TNRC6C: variants seen among roughly 807,000 people sequenced by gnomAD.
The protein encoded by TNRC6C is trinucleotide repeat containing adaptor 6C.
In TNRC6C, 20 loss-of-function variants were observed where a neutral mutation model predicts 153.7. That is an observed-to-expected ratio of 0.13 (90% CI 0.09 to 0.19). TNRC6C has a LOEUF of 0.19. Among genes scored for constraint, TNRC6C ranks in the 10% least tolerant of loss-of-function variants. The probability of loss-of-function intolerance (pLI) is 1.00; values close to 1 mark genes in which losing one functional copy is unlikely to be tolerated. For missense variants in TNRC6C, 1,987 were observed against 2,172.0 expected (o/e 0.91, Z 1.69); for synonymous variants, 811 against 841.4 (o/e 0.96, Z 0.63).
chr17:77,958,466 G>C (rs1017054647), upstream of TNRC6C, among the ~76,000 whole-genome samples: 5 of 151,908 alleles, frequency 3.3e-5, no homozygotes, highest in African/African-American at 7.3e-5. Flanking sequence ...GCGCGGGCGG[G>C]TATTAAGGGG....
At chr17:78,051,572 G>C (rs2072537574) in intron 3 of TNRC6C, 124 bp downstream of exon 5, 24 of 1,082,794 alleles carry the variant, frequency 2.2e-5, no homozygotes, top group Non-Finnish European at 2.9e-5. Context: ...AATAATTTAA[G>C]TTCCCTATCA....
At chr17:77,968,062 C>G (rs980145282) in intron 1 of TNRC6C, among the ~76,000 whole-genome samples, 2 of 152,242 alleles carry the variant, frequency 1.3e-5, no homozygotes, top group Admixed American at 6.5e-5. Context: ...GAGACAGAGC[C>G]TCGCTCTGTT....
intron 7 of TNRC6C, 130 bp downstream of exon 9, chr17:78,073,224 G>A: frequency 1.5e-6 from 1 of 647,148 alleles, no homozygotes; most frequent in South Asian, 3.2e-5. Context: ...ACAGTGAAGG[G>A]GCAACCACAC....
intron 1 of TNRC6C, among the ~76,000 whole-genome samples, chr17:78,006,436 A>G (rs915935093): frequency 1.3e-5 from 2 of 152,118 alleles, no homozygotes; most frequent in Non-Finnish European, 2.9e-5. Context: ...TACTATTGTC[A>G]TTTCAAAATA....
chr17:78,073,522 G>A (rs1488957476), intron 7 of TNRC6C, among the ~76,000 whole-genome samples: 2 of 152,104 alleles, frequency 1.3e-5, no homozygotes, highest in Admixed American at 1.3e-4. Context: ...TTCTGTCAAG[G>A]AACAAGCAAC....
exon 20 of TNRC6C, chr17:78,107,829 G>GTCC (rs1411087734): frequency 6.6e-6 from 1 of 152,356 alleles, no homozygotes; most frequent in East Asian, 1.9e-4. Context: ...TTTGCCTAGG[G>GTCC]TCCAGTTGGG....
chr17:78,049,581 C>T lies in TNRC6C; in HGVS notation c.519C>T (p.Ser173=), dbSNP rs148231811. Residue 173 remains serine (S), a synonymous_variant, in exon 3 of 20, where the codon AGC becomes AGT. Coordinates refer to ENST00000301624, the Ensembl canonical transcript of TNRC6C. This position sits in a 1 kb window ranked among gnomAD's most constrained non-coding sequence, Gnocchi z 4.1. ...CCACTTCTCAGAATGTGTCTTTCAG[C>T]GCACAACCTCAGAACCTTAACACTG... The T allele has an allele frequency of 1.4e-4, 225 of 1,613,928 alleles. No individual in the cohort carries two copies. In the East Asian group the frequency reaches 4.5e-3, roughly 32 times the overall value.
intron 3 of TNRC6C, among the ~76,000 whole-genome samples, chr17:78,057,182 C>T (rs2072676303): frequency 6.6e-6 from 1 of 152,168 alleles, no homozygotes; most frequent in East Asian, 1.9e-4. Context: ...GTTATTTGTT[C>T]ATTTTTTTCA....
Position 78,065,046 on chromosome 17 carries a change from T to C in TNRC6C, c.2611+109T>C, listed in dbSNP as rs1818668795. The stretch of plus-strand genomic sequence containing the variant: ...TACTTTCCTCATTATATTTACACTT[T>C]AACTACAAACCAAGAGTCTTGGCCA... On this transcript the variant is annotated intron_variant, in intron 4 of 19. Coordinates refer to ENST00000301624, the Ensembl canonical transcript of TNRC6C. 12 of 1,282,516 alleles carry C rather than the reference T, an allele frequency of 9.4e-6. No homozygotes were observed. In the South Asian group the frequency reaches 1.6e-4, roughly 17 times the overall value. The allele number at this position is 1,282,516 out of a possible 1,614,324, so 79.4% of individuals were successfully genotyped here. A position where few individuals can be genotyped will look rare whatever the true frequency, so the allele number is the denominator to read the frequency against.
At chr17:77,989,604 CTTTG>C (rs1406276330) in intron 1 of TNRC6C, among the ~76,000 whole-genome samples, 4 of 152,330 alleles carry the variant, frequency 2.6e-5, no homozygotes, top group Non-Finnish European at 2.9e-5. Context: ...ACTGAAATTA[CTTTG>C]TTTATTTACC....
At chr17:78,108,809 T>G (rs992230825) in exon 20 of TNRC6C, 3 of 152,222 alleles carry the variant, frequency 2.0e-5, no homozygotes, top group Non-Finnish European at 4.4e-5. Flanking sequence ...TATTAAATTT[T>G]TTTTTAAATG....
At chr17:78,051,147 G>A in exon 3 of TNRC6C, 3 of 1,575,180 alleles carry the variant, frequency 1.9e-6, no homozygotes, top group South Asian at 1.2e-5. Flanking sequence ...GGATCGGGGG[G>A]CCGGTACCGG....
chr17:78,002,076 A>G (rs904950940), upstream of TNRC6C, among the ~76,000 whole-genome samples: 16 of 152,008 alleles, frequency 1.1e-4, no homozygotes, highest in African/African-American at 3.6e-4. Flanking sequence ...CATTTAATTG[A>G]TACATTTGTT....
At chr17:78,020,696 G>A (rs924986323) in intron 1 of TNRC6C, among the ~76,000 whole-genome samples, 1 of 152,204 alleles carries the variant, frequency 6.6e-6, no homozygotes, top group African/African-American at 2.4e-5. Flanking sequence ...TGTTTAACTT[G>A]ATATATCCAA....
upstream of TNRC6C, among the ~76,000 whole-genome samples, chr17:78,000,629 CCCA>C (rs1390590711): frequency 2.6e-5 from 2 of 75,816 alleles, no homozygotes; most frequent in African/African-American, 1.2e-4. Flanking sequence ...CCCCCCCCCC[CCCA>C]CACACACACA....
intron 1 of TNRC6C, among the ~76,000 whole-genome samples, chr17:78,029,676 A>G (rs755607788): frequency 5.3e-5 from 8 of 152,202 alleles, no homozygotes; most frequent in Non-Finnish European, 4.4e-5. Flanking sequence ...TCACTCTTTC[A>G]TAATAACACT....
At chr17:77,976,931 G>GAAAAAAAA (rs57726847) in intron 1 of TNRC6C, among the ~76,000 whole-genome samples, 2 of 46,582 alleles carry the variant, frequency 4.3e-5, no homozygotes, top group African/African-American at 1.9e-4. Context: ...CTCCATCTCA[G>GAAAAAAAA]AAAAAAAAAA....
chr17:78,085,461 T>A (rs2073263465), intron 11 of TNRC6C, among the ~76,000 whole-genome samples: 1 of 152,204 alleles, frequency 6.6e-6, no homozygotes, highest in Admixed American at 6.5e-5. Flanking sequence ...TCTAATAGTA[T>A]AATCTCCACC....
chr17:77,989,009 G>A (rs148134008), intron 1 of TNRC6C, among the ~76,000 whole-genome samples: 4 of 152,114 alleles, frequency 2.6e-5, no homozygotes, highest in Admixed American at 1.3e-4. Context: ...AATTTTCACC[G>A]GGTGGAAGTA....
Sources: allele counts gnomAD v4.1 joint callset (sites outside exome capture counted in the v4.1 genomes callset), GRCh38; gene constraint gnomAD v4.1.1; non-coding constraint Gnocchi (gnomAD v3.1); transcripts MANE v1.5; gene names NCBI Gene and HGNC (gene_info 2026-07-23, HGNC 2026-07-21).